MRE11: variants seen among roughly 807,000 people sequenced by gnomAD.
The protein encoded by MRE11 is MRE11 double strand break repair nuclease.
Under a neutral mutation model 91.7 loss-of-function variants are expected in MRE11, and 62 were observed. The ratio of observed to expected loss-of-function variants is 0.68; its 90% CI spans 0.55 to 0.84. The LOEUF is 0.84. Among genes scored for constraint, MRE11 ranks in the 40% least tolerant of loss-of-function variants. MRE11 has a pLI of 0.00. For synonymous variants in MRE11, 273 were observed against 271.4 expected (o/e 1.01, Z -0.06); for missense variants, 796 against 852.9 (o/e 0.93, Z 0.83).
At chr11:94,498,112 C>A, upstream of MRE11, 9 of 1,613,816 alleles carry the variant, frequency 5.6e-6, no homozygotes, top group Non-Finnish European at 7.6e-6. Flanking sequence ...AGGCCACTCA[C>A]GTGAACACTA....
Position 94,459,494 on chromosome 11 carries a change from C to A in MRE11, c.1414G>T (p.Glu472Ter), listed in dbSNP as rs1376550081. ...VDKEEKDAIEELVKYQLEKTQ... is the reference protein window; with the variant it reads ...VDKEEKDAIE ...TTTTCCAACTGGTATTTCACTAATT[C>A]CTCAATGGCATCTTTCTCCTCCTTG... The change falls in exon 13 of 20, where the codon GAA becomes TAA. Residue 472 changes from glutamate (E) to a stop codon, truncating the protein, a stop_gained. Coordinates refer to ENST00000323929, the MANE Select transcript of MRE11 (RefSeq NM_005591.4). LOFTEE classifies it high-confidence loss of function. 1.9e-6 allele frequency: 3 copies of A among 1,613,882 alleles called. No individual in the cohort carries two copies. Among genetic ancestry groups the A allele is most frequent in the Non-Finnish European group, 2.5e-6 (3 of 1,179,914 alleles).
chr11:94,497,044 C>A, upstream of MRE11: 1 of 1,525,124 alleles, frequency 6.6e-7, no homozygotes, highest in Non-Finnish European at 9.0e-7. Context: ...GCCATCATAC[C>A]TATCTCTTGA....
At chr11:94,435,037 G>A (rs180865547) in intron 18 of MRE11, among the ~76,000 whole-genome samples, 14 of 152,310 alleles carry the variant, frequency 9.2e-5, no homozygotes, top group Non-Finnish European at 1.5e-5. Flanking sequence ...AGTGAATCAA[G>A]TCAAGCTTAA....
chr11:94,492,515 T>C, intron 2 of MRE11: 1 of 621,672 alleles, frequency 1.6e-6, no homozygotes, highest in Admixed American at 3.0e-5. Context: ...CTTCAATAAT[T>C]TAAGATGAAG....
intron 13 of MRE11, among the ~76,000 whole-genome samples, 170 bp from the exon 14 acceptor site, chr11:94,456,508 G>A (rs1748614675): frequency 8.9e-6 from 1 of 112,826 alleles, no homozygotes. Context: ...ATTGCACAAT[G>A]TACTCTTAAA....
chr11:94,489,403 T>C lies in MRE11; in HGVS notation c.153+1430A>G, dbSNP rs79680797. Among the ~76,000 whole-genome samples the C allele has an allele frequency of 6.5e-3, 987 of 152,202 alleles. 15 individuals carry two copies. Among genetic ancestry groups the C allele is most frequent in the African/African-American group, 0.023 (941 of 41,552 alleles). On this transcript the variant is annotated intron_variant, in intron 3 of 19. Transcript: ENST00000323929. ...GTCAAGATCAAGTCGAACCTTGTAG[T>C]TTGAATTTTATACTAGATTCAATGG...
chr11:94,486,364 A>G (rs1335064474), intron 3 of MRE11, among the ~76,000 whole-genome samples: 4 of 152,228 alleles, frequency 2.6e-5, no homozygotes, highest in Admixed American at 2.6e-4. Context: ...TTTGAATCAA[A>G]CATAAACTTA....
the MRE11 span, among the ~76,000 whole-genome samples, chr11:94,505,853 C>A: frequency 6.6e-6 from 1 of 152,282 alleles, no homozygotes; most frequent in Admixed American, 6.5e-5. Context: ...TTTTACCGTA[C>A]CGTCTCTATG....
intron 3 of MRE11, among the ~76,000 whole-genome samples, chr11:94,490,145 C>T (rs2135138263): frequency 6.6e-6 from 1 of 152,334 alleles, no homozygotes; most frequent in East Asian, 1.9e-4. Context: ...ATTTCTCAAT[C>T]TGATATTTGA....
the MRE11 span, among the ~76,000 whole-genome samples, chr11:94,503,783 C>T: frequency 2.8e-4 from 41 of 146,650 alleles, no homozygotes; most frequent in East Asian, 7.9e-3. Context: ...GCCGAGATCC[C>T]GCCACTGCAC....
rs781557469 is a variant in MRE11 at position 94,471,721 on chromosome 11, A to C, written c.698T>G (p.Phe233Cys). 6.2e-7 allele frequency: 1 copy of C among 1,612,432 alleles called. No homozygotes were observed. Among genetic ancestry groups the C allele is most frequent in the Non-Finnish European group, 8.5e-7 (1 of 1,178,994 alleles). Reference sequence around the variant, plus strand: ...AACAAGATCAATGAAGTCATCCAAAAATTGTTCTGGAATGAAGTTAGTACT... The same window carrying C: ...AACAAGATCAATGAAGTCATCCAAACATTGTTCTGGAATGAAGTTAGTACT... ...HGSTNFIPEQ[F>C]LDDFIDLVIW... Residue 233 changes from phenylalanine to cysteine, a missense_variant, in exon 8 of 20, where the codon TTT (phenylalanine) becomes TGT (cysteine). By Grantham distance (205) the Phe-to-Cys change is radical. Transcript: ENST00000323929.
chr11:94,431,964 A>G (rs1021919836), intron 18 of MRE11, among the ~76,000 whole-genome samples: 11 of 147,128 alleles, frequency 7.5e-5, no homozygotes, highest in Admixed American at 5.4e-4. Context: ...CCATTTCTGG[A>G]AAAAAAAAAA....
intron 16 of MRE11, among the ~76,000 whole-genome samples, chr11:94,445,586 G>A (rs1945903509): frequency 6.6e-6 from 1 of 152,186 alleles, no homozygotes; most frequent in Non-Finnish European, 1.5e-5. Context: ...GGGATTACAG[G>A]TGTGATCCAC....
intron 4 of MRE11, 72 bp from the exon 5 acceptor site, chr11:94,479,833 A>C: frequency 8.3e-7 from 1 of 1,197,660 alleles, no homozygotes; most frequent in Non-Finnish European, 1.2e-6. Flanking sequence ...CTCCTCCAAA[A>C]TATTAATGCA....
At chr11:94,484,504 T>C (rs1947089488) in intron 4 of MRE11, among the ~76,000 whole-genome samples, 1 of 152,208 alleles carries the variant, frequency 6.6e-6, no homozygotes, top group African/African-American at 2.4e-5. Context: ...AAGTGGAAAC[T>C]TAACTCCCTG....
chr11:94,469,402 A>T (rs1189109897), intron 9 of MRE11, among the ~76,000 whole-genome samples: 1 of 152,164 alleles, frequency 6.6e-6, no homozygotes, highest in Non-Finnish European at 1.5e-5. Flanking sequence ...TTAGTACAAA[A>T]TGTCAACTAA....
upstream of MRE11, chr11:94,497,053 G>A: frequency 6.8e-7 from 1 of 1,466,372 alleles, no homozygotes. Flanking sequence ...CCTATCTCTT[G>A]ATTGTGAGGA....
rs757344068 is a variant in MRE11, at chr11:94,478,790, G to A, written c.489C>T (p.Asp163=). 15 of 1,613,674 alleles carry A rather than the reference G, an allele frequency of 9.3e-6. No individual in the cohort carries two copies. The highest frequency in any genetic ancestry group is 7.6e-6 in the Non-Finnish European group (9 of 1,179,880). ...FGRSMSVEKI[D]ISPVLLQKGS... ...CTTTTTGAAGCAAAACCGGACTAAT[G>A]TCTATCTTCTCCACAGACATTGAAC... The change falls in exon 6 of 20, where the codon GAC becomes GAT. Residue 163 remains aspartate (D), a synonymous_variant. Transcript: ENST00000323929.
Position 94,418,226 on chromosome 11 carries a change from TTTTATTTAC to T in MRE11, c.*1890_*1898del, listed in dbSNP as rs367669921. The T allele has an allele frequency of 5.6e-5, 13 of 232,940 alleles. No individual in the cohort carries two copies. Among genetic ancestry groups the T allele is most frequent in the African/African-American group, 2.9e-4 (13 of 45,308 alleles). The allele number at this position is 232,940 out of a possible 1,614,324, so 14.4% of individuals were successfully genotyped here. Reference sequence around the variant, plus strand: ...ATCAAAAAAAGGTTTCCCTGTCACGTTTTATTTACCATATTTTCAGGGCTTGATACATAG... The same window carrying T: ...ATCAAAAAAAGGTTTCCCTGTCACGTCATATTTTCAGGGCTTGATACATAG... On this transcript the variant is annotated 3_prime_UTR_variant, in exon 20 of 20. Coordinates refer to ENST00000323929, the MANE Select transcript of MRE11 (RefSeq NM_005591.4).
Sources: gnomAD v4.1 joint callset for allele counts (sites outside exome capture counted in the v4.1 genomes callset) on GRCh38, gnomAD v4.1.1 for gene constraint, MANE v1.5 for transcripts, NCBI Gene and HGNC (gene_info 2026-07-23, HGNC 2026-07-21) for gene names.